Variants in C1orf159 observed in about 807,000 individuals in gnomAD.
C1orf159 encodes the protein uncharacterized protein C1orf159.
In C1orf159, 19 loss-of-function variants were observed where a neutral mutation model predicts 25.6. The observed-to-expected ratio is 0.74, with a 90% confidence interval of 0.52 to 1.09. The LOEUF is 1.09. C1orf159 is among the 50% of genes least tolerant of loss of function. C1orf159 has a pLI of 0.00. For synonymous variants in C1orf159, 139 were observed against 124.7 expected (o/e 1.12, Z -0.77); for missense variants, 274 against 290.6 (o/e 0.94, Z 0.42).
chr1:1,097,678 C>T (rs959086042), intron 1 of C1orf159, among the ~76,000 whole-genome samples: 3 of 150,076 alleles, frequency 2.0e-5, no homozygotes, highest in African/African-American at 7.4e-5. Flanking sequence ...CCACCTATGC[C>T]TCCCAAAGTG....
At chr1:1,107,950 G>A (rs562727056) in intron 1 of C1orf159, among the ~76,000 whole-genome samples, 2 of 152,288 alleles carry the variant, frequency 1.3e-5, no homozygotes, top group South Asian at 4.1e-4. Flanking sequence ...ACAAACTCCG[G>A]ACACACCATC....
intron 1 of C1orf159, among the ~76,000 whole-genome samples, chr1:1,108,933 A>G (rs1298222763): frequency 2.9e-4 from 31 of 105,622 alleles, no homozygotes; most frequent in Non-Finnish European, 4.2e-4. Flanking sequence ...CACAGCCACC[A>G]TGTCTCGGCA....
intron 1 of C1orf159, among the ~76,000 whole-genome samples, chr1:1,099,843 A>G (rs111608769): frequency 2.4e-5 from 2 of 82,876 alleles, no homozygotes; most frequent in African/African-American, 1.1e-4. Flanking sequence ...TTTTTGGTCT[A>G]TTGTTCTAAG....
chr1:1,106,338 T>C (rs1015279035), intron 1 of C1orf159, among the ~76,000 whole-genome samples: 1 of 152,196 alleles, frequency 6.6e-6, no homozygotes, highest in Non-Finnish European at 1.5e-5. Context: ...CCCATTAGAA[T>C]GGCTATTACC....
chr1:1,113,052 C>T lies in C1orf159; in HGVS notation c.-136+3008G>A, dbSNP rs1422118402. Among the ~76,000 whole-genome samples the T allele has an allele frequency of 4.6e-5, 7 of 152,150 alleles. No individual in the cohort carries two copies. The East Asian group carries it at 5.8e-4, about 13-fold the overall frequency. ...CTCTACTAAAATACAAAAAATTAGC[C>T]GGTTGTGGTGGCAGGCACCTGTAGT... On this transcript the variant is annotated intron_variant, in intron 1 of 9. Coordinates refer to ENST00000421241, the MANE Select transcript of C1orf159 (RefSeq NM_017891.5).
chr1:1,086,073 C>T (rs1645825687), intron 6 of C1orf159, 61 bp from the exon 7 acceptor site: 4 of 1,581,766 alleles, frequency 2.5e-6, no homozygotes, highest in Non-Finnish European at 3.4e-6. Context: ...TCGCCTGGCC[C>T]CCGGTGCCCC....
intron 9 of C1orf159, 70 bp from the exon 10 acceptor site, chr1:1,083,057 C>T: frequency 7.5e-7 from 1 of 1,331,882 alleles, no homozygotes; most frequent in Non-Finnish European, 1.0e-6. Flanking sequence ...GGCCTCAGCC[C>T]TCACCGGAGG....
chr1:1,102,184 C>A (rs1646111402), intron 1 of C1orf159, among the ~76,000 whole-genome samples: 1 of 151,158 alleles, frequency 6.6e-6, no homozygotes, highest in African/African-American at 2.4e-5. Context: ...ATGTCTTTCA[C>A]CAAATTTGAA....
chr1:1,097,073 A>G (rs1174407159), intron 1 of C1orf159, among the ~76,000 whole-genome samples: 2 of 151,594 alleles, frequency 1.3e-5, no homozygotes, highest in Non-Finnish European at 2.9e-5. Flanking sequence ...ATCCTTAGAA[A>G]TAATGCCTCT....
In C1orf159 at chr1:1,087,433, G is replaced by T; in HGVS notation, c.244+69C>A. 2 of 1,412,404 alleles carry T rather than the reference G, an allele frequency of 1.4e-6. No homozygotes were observed. Among genetic ancestry groups the T allele is most frequent in the Non-Finnish European group, 9.7e-7 (1 of 1,035,660 alleles). 87.5% of individuals were successfully genotyped at this position (1,412,404 alleles called of 1,614,324 possible). A position where few individuals can be genotyped will look rare whatever the true frequency, so the allele number is the denominator to read the frequency against. On this transcript the variant is annotated intron_variant, in intron 5 of 9. Coordinates refer to ENST00000421241, the MANE Select transcript of C1orf159 (RefSeq NM_017891.5). This position sits in a 1 kb window ranked among gnomAD's most constrained non-coding sequence, Gnocchi z 8.3. ...CTGGGGCAAGGTGGGGACACAGACA[G>T]CAACTCCCACAGTGTCTCCCACAGC...
intron 1 of C1orf159, among the ~76,000 whole-genome samples, chr1:1,101,669 G>A (rs891488369): frequency 4.6e-5 from 7 of 152,072 alleles, no homozygotes; most frequent in African/African-American, 1.7e-4. Context: ...TCGGCTCACG[G>A]TCTATTGGCT....
At chr1:1,101,952 G>A (rs571004333) in intron 1 of C1orf159, among the ~76,000 whole-genome samples, 63 of 151,200 alleles carry the variant, frequency 4.2e-4, no homozygotes, top group Non-Finnish European at 7.2e-4. Flanking sequence ...CGGGCATATA[G>A]TCCCAGCTAC....
chr1:1,085,711 C>T (rs1000194837), intron 7 of C1orf159, among the ~76,000 whole-genome samples, 167 bp downstream of exon 7: 2 of 152,188 alleles, frequency 1.3e-5, no homozygotes, highest in African/African-American at 2.4e-5. Context: ...CGGGAAGTGA[C>T]GGGCCTTCTC....
At chr1:1,088,978 T>C (rs952549714) in intron 4 of C1orf159, among the ~76,000 whole-genome samples, 4 of 152,196 alleles carry the variant, frequency 2.6e-5, no homozygotes, top group Non-Finnish European at 5.9e-5. Flanking sequence ...CTCGGGCGAC[T>C]TCAGCGAGGC....
chr1:1,087,273 A>G lies in C1orf159; in HGVS notation c.245-69T>C, dbSNP rs1211031507. On this transcript the variant is annotated intron_variant, in intron 5 of 9. Transcript: ENST00000421241. The surrounding 1 kb of genome is among the most constrained non-coding windows in gnomAD (Gnocchi z 8.3). Reference sequence around the variant, plus strand: ...CACGGGGACACCCACGTGCACCCTGAAGGGATCTCAGGACGGAAATATGAA... The same window carrying G: ...CACGGGGACACCCACGTGCACCCTGGAGGGATCTCAGGACGGAAATATGAA... The G allele has an allele frequency of 6.9e-7, 1 of 1,445,340 alleles. No homozygotes were observed. The highest frequency in any genetic ancestry group is 9.3e-7 in the Non-Finnish European group (1 of 1,069,832). 89.5% of individuals were successfully genotyped at this position (1,445,340 alleles called of 1,614,324 possible).
intron 1 of C1orf159, among the ~76,000 whole-genome samples, chr1:1,111,625 T>TA (rs1165156711): frequency 6.6e-6 from 1 of 151,996 alleles, no homozygotes; most frequent in East Asian, 1.9e-4. Flanking sequence ...AACAACCCTG[T>TA]AAAAGCAACC....
intron 9 of C1orf159, chr1:1,083,897 C>T: frequency 6.4e-7 from 1 of 1,558,376 alleles, no homozygotes; most frequent in Non-Finnish European, 8.7e-7. Context: ...TGGCCCCGCA[C>T]ATAAAATGGG....
rs1645897127 is a variant in C1orf159 at position 1,089,802 on chromosome 1, C to T, written c.148+551G>A. ...TCCCCTGGCTGCTCCCACTGGCTGC[C>T]CTCACCAGCCTCAACCTCCTGACAC... On this transcript the variant is annotated intron_variant, in intron 4 of 9. Transcript: ENST00000421241. The surrounding 1 kb of genome is among the most constrained non-coding windows in gnomAD (Gnocchi z 7.5). 6.6e-6 allele frequency among the ~76,000 whole-genome samples: 1 copy of T among 152,226 alleles called. No individual in the cohort carries two copies. Among genetic ancestry groups the T allele is most frequent in the African/African-American group, 2.4e-5 (1 of 41,458 alleles).
intron 2 of C1orf159, 154 bp downstream of exon 2, chr1:1,091,837 G>A (rs979366890): frequency 8.1e-5 from 41 of 503,074 alleles, no homozygotes; most frequent in Non-Finnish European, 1.1e-4. Context: ...GCGGGGCCGC[G>A]GCAGATGACT....
Sources: allele counts gnomAD v4.1 joint callset (sites outside exome capture counted in the v4.1 genomes callset), GRCh38; gene constraint gnomAD v4.1.1; non-coding constraint Gnocchi (gnomAD v3.1); transcripts MANE v1.5; gene names NCBI Gene and HGNC (gene_info 2026-07-23, HGNC 2026-07-21).